SNTG1: variants seen among roughly 807,000 people sequenced by gnomAD.
SNTG1 encodes the protein gamma-1-syntrophin.
Under a neutral mutation model 74.7 loss-of-function variants are expected in SNTG1, and 39 were observed. The observed-to-expected ratio is 0.52, with a 90% CI of 0.40 to 0.68. SNTG1 has a LOEUF of 0.68. Among genes scored for constraint, SNTG1 ranks in the 30% least tolerant of loss-of-function variants. The pLI is 0.00. For missense variants in SNTG1, 685 were observed against 609.5 expected (o/e 1.12, Z -1.30); for synonymous variants, 254 against 217.1 (o/e 1.17, Z -1.49).
chr8:50,262,161 A>G (rs889222010), intron 2 of SNTG1, among the ~76,000 whole-genome samples: 1 of 152,206 alleles, frequency 6.6e-6, no homozygotes, highest in Non-Finnish European at 1.5e-5. Context: ...TTTGAACTAA[A>G]TGAAAAATAG....
intron 12 of SNTG1, among the ~76,000 whole-genome samples, chr8:50,580,501 C>T (rs1273725245): frequency 6.6e-6 from 1 of 152,064 alleles, no homozygotes; most frequent in Non-Finnish European, 1.5e-5. Context: ...ACCCAAATCT[C>T]ATCTTGAACT....
Position 50,090,318 on chromosome 8 carries a change from A to G in SNTG1, c.-102-82243A>G, listed in dbSNP as rs546750753. Among the ~76,000 whole-genome samples, 3 of 152,286 alleles carry G rather than the reference A, an allele frequency of 2.0e-5. No individual in the cohort carries two copies. In the East Asian group the frequency reaches 5.8e-4, roughly 29 times the overall value. ...AAGAGGTAAGGATAGAGCTGGGTCT[A>G]TGCCCATCTTAAGTGGGGGACTCAG... On this transcript the variant is annotated intron_variant, in intron 1 of 18. Transcript: ENST00000642720.
intron 18 of SNTG1, among the ~76,000 whole-genome samples, chr8:50,757,442 C>A (rs996508761): frequency 6.6e-6 from 1 of 151,730 alleles, no homozygotes; most frequent in African/African-American, 2.4e-5. Flanking sequence ...CTCTTTTTCC[C>A]TAAACCTTTC....
intron 14 of SNTG1, among the ~76,000 whole-genome samples, chr8:50,657,497 A>G (rs1264476636): frequency 6.6e-6 from 1 of 152,162 alleles, no homozygotes; most frequent in Non-Finnish European, 1.5e-5. Flanking sequence ...AAATTTATTC[A>G]GCACTTTTAA....
At chr8:50,091,468 A>G (rs1457004929) in intron 1 of SNTG1, among the ~76,000 whole-genome samples, 1 of 152,132 alleles carries the variant, frequency 6.6e-6, no homozygotes, top group African/African-American at 2.4e-5. Context: ...ATCCCTGGTT[A>G]TCATCATTCC....
At chr8:50,075,724 G>T (rs1302421713) in intron 1 of SNTG1, among the ~76,000 whole-genome samples, 1 of 152,150 alleles carries the variant, frequency 6.6e-6, no homozygotes, top group Non-Finnish European at 1.5e-5. Flanking sequence ...CACTGGGAAG[G>T]TCTGCAGCTT....
At chr8:50,112,875 T>C (rs1177575036) in intron 1 of SNTG1, among the ~76,000 whole-genome samples, 1 of 152,132 alleles carries the variant, frequency 6.6e-6, no homozygotes, top group African/African-American at 2.4e-5. Flanking sequence ...CTTGTTTTTG[T>C]CAGGTTTGTC....
intron 15 of SNTG1, among the ~76,000 whole-genome samples, chr8:50,669,406 C>T (rs202028334): frequency 6.6e-6 from 1 of 151,972 alleles, no homozygotes; most frequent in Admixed American, 6.6e-5. Context: ...GAGAATACTA[C>T]AAACAACTCT....
intron 2 of SNTG1, among the ~76,000 whole-genome samples, chr8:50,248,146 T>C (rs1027742193): frequency 1.3e-5 from 2 of 152,182 alleles, no homozygotes; most frequent in African/African-American, 4.8e-5. Context: ...TGATTAGTTC[T>C]GCAAACACCT....
At chr8:50,645,639 A>C (rs1321981879) in intron 13 of SNTG1, among the ~76,000 whole-genome samples, 2 of 152,212 alleles carry the variant, frequency 1.3e-5, no homozygotes, top group Non-Finnish European at 2.9e-5. Flanking sequence ...AAATAAAATA[A>C]CAGGTACAAT....
chr8:50,256,502 T>A (rs2086889809), intron 2 of SNTG1, among the ~76,000 whole-genome samples: 1 of 152,036 alleles, frequency 6.6e-6, no homozygotes, highest in South Asian at 2.1e-4. Flanking sequence ...AATGTGAGTA[T>A]GGATAAAACA....
chr8:50,683,383 C>A (rs2095338934), intron 15 of SNTG1, among the ~76,000 whole-genome samples: 1 of 152,154 alleles, frequency 6.6e-6, no homozygotes, highest in Non-Finnish European at 1.5e-5. Flanking sequence ...AATGAACATT[C>A]TTTAGTCCTG....
At chr8:50,741,370 G>T (rs565319065) in intron 17 of SNTG1, among the ~76,000 whole-genome samples, 4 of 152,030 alleles carry the variant, frequency 2.6e-5, no homozygotes, top group African/African-American at 7.2e-5. Flanking sequence ...TGATCTTCCC[G>T]CATCCACTTC....
chr8:50,568,353 T>C (rs911741562), intron 12 of SNTG1, among the ~76,000 whole-genome samples: 1 of 152,092 alleles, frequency 6.6e-6, no homozygotes, highest in Non-Finnish European at 1.5e-5. Flanking sequence ...CCTTTGGATA[T>C]ATACTCAGTA....
intron 2 of SNTG1, among the ~76,000 whole-genome samples, chr8:50,297,884 T>A (rs1331043405): frequency 2.0e-5 from 3 of 151,428 alleles, no homozygotes; most frequent in African/African-American, 7.3e-5. Context: ...ATGTGGCTTT[T>A]TTTTTTTTTT....
chr8:49,928,287 G>T (rs1807229215), intron 1 of SNTG1, among the ~76,000 whole-genome samples: 1 of 151,460 alleles, frequency 6.6e-6, no homozygotes, highest in Non-Finnish European at 1.5e-5. Flanking sequence ...GAGTGCAGTG[G>T]TGTGATATCA....
At chr8:50,327,050 G>C (rs927848218) in intron 2 of SNTG1, among the ~76,000 whole-genome samples, 1 of 152,102 alleles carries the variant, frequency 6.6e-6, no homozygotes, top group Non-Finnish European at 1.5e-5. Flanking sequence ...TGTAGTGTGA[G>C]AGCATATATT....
At chr8:50,502,955 G>T (rs929571154) in intron 9 of SNTG1, 75 bp downstream of exon 9, 5 of 1,235,338 alleles carry the variant, frequency 4.0e-6, no homozygotes, top group Admixed American at 2.1e-5. Flanking sequence ...ACAATAATTG[G>T]TGATTTCTTC....
At chr8:50,495,636 T>A (rs1367563026) in intron 8 of SNTG1, among the ~76,000 whole-genome samples, 1 of 152,186 alleles carries the variant, frequency 6.6e-6, no homozygotes, top group African/African-American at 2.4e-5. Flanking sequence ...TACTTTCCAA[T>A]CCAACAGTAA....
Sources: gnomAD v4.1 joint callset for allele counts (sites outside exome capture counted in the v4.1 genomes callset) on GRCh38, gnomAD v4.1.1 for gene constraint, MANE v1.5 for transcripts, NCBI Gene and HGNC (gene_info 2026-07-23, HGNC 2026-07-21) for gene names.